The following STAMBP variants were observed in gnomAD, a reference collection of about 807,000 sequenced individuals.
The protein encoded by STAMBP is STAM-binding protein.
Under a neutral mutation model 50.7 loss-of-function variants are expected in STAMBP, and 31 were observed. The ratio of observed to expected loss-of-function variants is 0.61; its 90% CI spans 0.46 to 0.83. STAMBP has a LOEUF of 0.83. Among genes scored for constraint, STAMBP ranks in the 40% least tolerant of loss-of-function variants. The pLI, the probability that STAMBP is intolerant of heterozygous loss-of-function variation, is 0.00. For synonymous variants in STAMBP, 211 were observed against 192.4 expected, an observed-to-expected ratio of 1.10 and a Z score of -0.80; for missense variants, 472 against 518.9, an observed-to-expected ratio of 0.91 and a Z score of 0.88.
rs1352000005 is a variant in STAMBP at position 73,862,604 on chromosome 2, A to G, written c.*345A>G. 3 of 162,386 alleles carry G rather than the reference A, an allele frequency of 1.8e-5. No individual in the cohort carries two copies. Among genetic ancestry groups the G allele is most frequent in the Admixed American group, 6.3e-5 (1 of 15,800 alleles). 10.1% of individuals were successfully genotyped at this position (162,386 alleles called of 1,614,324 possible). A position where few individuals can be genotyped will look rare whatever the true frequency, so the allele number is the denominator to read the frequency against. On this transcript the variant is annotated 3_prime_UTR_variant, in exon 10 of 10. Transcript: ENST00000394070. ...TGTTAACATTTTTTTCCTCTCAGCT[A>G]TCCTTCTAATTTCTCTCTAATTTCA...
chr2:73,849,241 A>C (rs1676499164), intron 5 of STAMBP, 122 bp from the exon 6 acceptor site: 1 of 1,446,558 alleles, frequency 6.9e-7, no homozygotes, highest in African/African-American at 1.4e-5. Flanking sequence ...ATCCCTACTC[A>C]CTGCCTGAAG....
intron 2 of STAMBP, among the ~76,000 whole-genome samples, chr2:73,843,040 G>C (rs1675597193): frequency 6.6e-6 from 1 of 152,136 alleles, no homozygotes; most frequent in Non-Finnish European, 1.5e-5. Flanking sequence ...TTGGGGCTAA[G>C]ATGAGAGTTC....
rs906232736 is a variant in STAMBP, at chr2:73,865,454, A to G, written c.*3195A>G. 2 of 152,182 alleles carry G rather than the reference A, an allele frequency of 1.3e-5. No homozygotes were observed. The highest frequency in any genetic ancestry group is 1.3e-4 in the Admixed American group (2 of 15,280). The allele number at this position is 152,182 out of a possible 1,614,324, so 9.4% of individuals were successfully genotyped here. On this transcript the variant is annotated 3_prime_UTR_variant, in exon 10 of 10. Coordinates refer to ENST00000394070, the MANE Select transcript of STAMBP (RefSeq NM_213622.4). ...GAGTAGAACTTCTGAGTCAAGGATC[A>G]TGTCTTTTTCTGAGGAGCTTTGCTT...
At chr2:73,842,699 T>G (rs1203213141) in intron 2 of STAMBP, among the ~76,000 whole-genome samples, 1 of 152,200 alleles carries the variant, frequency 6.6e-6, no homozygotes, top group Non-Finnish European at 1.5e-5. Flanking sequence ...TCATTGTGCT[T>G]AAAGTCACAA....
At chr2:73,868,201 C>T (rs1188830224), downstream of STAMBP, among the ~76,000 whole-genome samples, 1 of 149,756 alleles carries the variant, frequency 6.7e-6, no homozygotes, top group Non-Finnish European at 1.5e-5. Flanking sequence ...AAATTGTGTA[C>T]ACACACACAC....
downstream of STAMBP, among the ~76,000 whole-genome samples, chr2:73,867,371 C>A (rs1215724083): frequency 6.6e-6 from 1 of 152,046 alleles, no homozygotes; most frequent in Non-Finnish European, 1.5e-5. Flanking sequence ...ATGGAGAAAC[C>A]CTGTCTCTAC....
chr2:73,831,808 T>TC (rs1673961319), intron 2 of STAMBP, among the ~76,000 whole-genome samples: 1 of 152,142 alleles, frequency 6.6e-6, no homozygotes, highest in Non-Finnish European at 1.5e-5. Flanking sequence ...TTTCATTTGA[T>TC]CTTCACAGTT....
At chr2:73,842,476 C>G (rs1391904562) in intron 2 of STAMBP, among the ~76,000 whole-genome samples, 1 of 152,190 alleles carries the variant, frequency 6.6e-6, no homozygotes, top group African/African-American at 2.4e-5. Flanking sequence ...ACTCTGGCCA[C>G]CTGGGACTGA....
chr2:73,848,079 T>G (rs1676360798), intron 5 of STAMBP, among the ~76,000 whole-genome samples: 2 of 152,204 alleles, frequency 1.3e-5, no homozygotes, highest in Admixed American at 1.3e-4. Context: ...TGTGACTCTG[T>G]GTCCCCTGCT....
chr2:73,845,252 A>G lies in STAMBP; in HGVS notation c.365A>G (p.Asn122Ser), dbSNP rs760181914. ...KRYTKEYTEYNEEKKKEAEEL... is the reference protein window; with the variant it reads ...KRYTKEYTEYSEEKKKEAEEL... ...TATACCAAAGAATATACAGAATATA[A>G]TGAAGAAAAGGTCAGTATATAACAG... Residue 122 changes from asparagine to serine, a missense_variant, in exon 4 of 10, where the codon AAT (asparagine) becomes AGT (serine). By Grantham distance (46) the Asn-to-Ser change is conservative. Coordinates refer to ENST00000394070, the MANE Select transcript of STAMBP (RefSeq NM_213622.4). The G allele has an allele frequency of 2.2e-5, 35 of 1,611,670 alleles. No individual in the cohort carries two copies. The highest frequency in any genetic ancestry group is 3.0e-5 in the Non-Finnish European group (35 of 1,178,024).
Position 73,862,900 on chromosome 2 carries a change from G to C in STAMBP, c.*641G>C, listed in dbSNP as rs544763850. The C allele has an allele frequency of 6.6e-6, 1 of 152,356 alleles. No individual in the cohort carries two copies. Among genetic ancestry groups the C allele is most frequent in the South Asian group, 2.1e-4 (1 of 4,814 alleles). 9.4% of individuals were successfully genotyped at this position (152,356 alleles called of 1,614,324 possible). A position where few individuals can be genotyped will look rare whatever the true frequency, so the allele number is the denominator to read the frequency against. ...AATTAACTTATGTTTTTGTGCTTCA[G>C]AGTGATCCATTTGATCAAGCATTGT... On this transcript the variant is annotated 3_prime_UTR_variant, in exon 10 of 10. Coordinates refer to ENST00000394070, the MANE Select transcript of STAMBP (RefSeq NM_213622.4).
At chr2:73,849,802 C>T (rs192156335) in intron 6 of STAMBP, among the ~76,000 whole-genome samples, 43 of 152,254 alleles carry the variant, frequency 2.8e-4, no homozygotes, top group Non-Finnish European at 5.0e-4. Context: ...ATGTAAAGCA[C>T]ATAGTATGTG....
intron 1 of STAMBP, among the ~76,000 whole-genome samples, chr2:73,830,627 G>A (rs1673783665): frequency 6.6e-6 from 1 of 152,252 alleles, no homozygotes; most frequent in African/African-American, 2.4e-5. Context: ...TACAGGGGTT[G>A]TATGTTTTCT....
In STAMBP at chr2:73,857,620, A is replaced by G. The variant is rs573316688; in HGVS notation, c.1006-1634A>G. Among the ~76,000 whole-genome samples, 29 of 152,306 alleles carry G rather than the reference A, an allele frequency of 1.9e-4. 1 individual carries two copies. The South Asian group carries it at 5.8e-3, about 30-fold the overall frequency. ...GGGTGGGTTATTTGGTATGTCATCT[A>G]TAACCATGAGCTAGGACGGCATGCG... On this transcript the variant is annotated intron_variant, in intron 7 of 9. Coordinates refer to ENST00000394070, the MANE Select transcript of STAMBP (RefSeq NM_213622.4).
At chr2:73,837,502 G>A (rs867397622) in intron 2 of STAMBP, among the ~76,000 whole-genome samples, 4 of 148,990 alleles carry the variant, frequency 2.7e-5, no homozygotes, top group South Asian at 2.2e-4. Flanking sequence ...GGAGAATGGC[G>A]TGAACCCGGG....
rs752649611 is a variant in STAMBP, at chr2:73,862,237, T to C, written c.1253T>C (p.Val418Ala). The C allele has an allele frequency of 1.2e-6, 2 of 1,612,312 alleles. No homozygotes were observed. The highest frequency in any genetic ancestry group is 1.6e-4 in the Middle Eastern group (1 of 6,072). ...CSHVTVVDRA[V>A]TITDLR ...CACGTGACTGTTGTGGACAGAGCAG[T>C]GACCATCACAGACCTTCGATGAGCG... Residue 418 changes from valine (V) to alanine (A), a missense_variant, in exon 10 of 10, where the codon GTG becomes GCG. Val to Ala is a moderately conservative substitution (Grantham distance 64). Transcript: ENST00000394070.
At chr2:73,838,105 C>T (rs965062771) in intron 2 of STAMBP, among the ~76,000 whole-genome samples, 10 of 152,050 alleles carry the variant, frequency 6.6e-5, no homozygotes, top group Admixed American at 1.3e-4. Flanking sequence ...CTAATTAGAA[C>T]GGGTAGAAAG....
chr2:73,859,219 C>T (rs766648645), intron 7 of STAMBP, 35 bp from the exon 8 acceptor site: 18 of 1,547,848 alleles, frequency 1.2e-5, no homozygotes, highest in South Asian at 7.8e-5. Flanking sequence ...CATATATCCT[C>T]GCTAAGAGTC....
chr2:73,870,248 G>C (rs1024946972), downstream of STAMBP: 2 of 152,214 alleles, frequency 1.3e-5, no homozygotes, highest in Non-Finnish European at 2.9e-5. Flanking sequence ...TAGCAGCAGA[G>C]GCATGTCATA....
Sources: gnomAD v4.1 joint callset for allele counts (sites outside exome capture counted in the v4.1 genomes callset) on GRCh38, gnomAD v4.1.1 for gene constraint, MANE v1.5 for transcripts, NCBI Gene and HGNC (gene_info 2026-07-23, HGNC 2026-07-21) for gene names.